C14orf93: variants seen among roughly 807,000 people sequenced by gnomAD.
The protein encoded by C14orf93 is chromosome 14 open reading frame 93, also known as uncharacterized protein C14orf93.
In C14orf93, 23 loss-of-function variants were observed where a neutral mutation model predicts 44.0. That is an observed-to-expected ratio of 0.52 (90% confidence interval 0.38 to 0.74). The LOEUF is 0.74. C14orf93 is among the 30% of genes least tolerant of loss of function. The probability of loss-of-function intolerance (pLI) is 0.00; values close to 1 mark genes in which losing one functional copy is unlikely to be tolerated. For synonymous variants in C14orf93, 253 were observed against 265.7 expected, an observed-to-expected ratio of 0.95 and a Z score of 0.46; for missense variants, 579 against 678.9, an observed-to-expected ratio of 0.85 and a Z score of 1.64.
At chr14:23,009,010 C>T (rs1422209335) in intron 1 of C14orf93, among the ~76,000 whole-genome samples, 1 of 152,170 alleles carries the variant, frequency 6.6e-6, no homozygotes, top group African/African-American at 2.4e-5. Flanking sequence ...CCCTTCTGAA[C>T]ACACCAACCA....
At position 22,988,400 on chromosome 14, in the gene C14orf93, C is replaced by T. The variant is rs180972797; in HGVS notation, c.1085-385G>A. ...TTGGCCTCCCAAAGAGCTGGGATTA[C>T]AGGCGTGAGCAGCCGTGCCTGGCCT... is the stretch of plus-strand genomic sequence containing the variant. On this transcript the variant is annotated intron_variant, in intron 5 of 6. Coordinates refer to ENST00000299088, the MANE Select transcript of C14orf93 (RefSeq NM_021944.4). Among the ~76,000 whole-genome samples the T allele has an allele frequency of 3.9e-5, 6 of 152,328 alleles. No individual in the cohort carries two copies. In the East Asian group the frequency reaches 1.2e-3, roughly 29 times the overall value.
At chr14:23,006,525 T>C (rs1318485632) in intron 1 of C14orf93, 1 of 152,202 alleles carries the variant, frequency 6.6e-6, no homozygotes, top group Non-Finnish European at 1.5e-5. Flanking sequence ...TTTATTTACA[T>C]TTGCTAAGAT....
rs1310855442 is a variant in C14orf93 at position 22,998,590 on chromosome 14, C to T, written c.434G>A (p.Cys145Tyr). 2 of 1,614,064 alleles carry T rather than the reference C, an allele frequency of 1.2e-6. No homozygotes were observed. Among genetic ancestry groups the T allele is most frequent in the Admixed American group, 3.3e-5 (2 of 60,010 alleles). Residue 145 changes from cysteine to tyrosine, a missense_variant, in exon 2 of 7, where the codon TGT (cysteine) becomes TAT (tyrosine). Coordinates refer to ENST00000299088, the MANE Select transcript of C14orf93 (RefSeq NM_021944.4). The part of the protein sequence containing the change: ...FKALSAVEEE[C>Y]DSVGSGVQVV... ...CTGCACGCCGCTGCCCACGCTGTCA[C>T]ACTCCTCTTCCACGGCAGACAGAGC... is the stretch of plus-strand genomic sequence containing the variant.
chr14:22,998,710 A>G lies in C14orf93; in HGVS notation c.314T>C (p.Val105Ala). Residue 105 changes from valine to alanine, a missense_variant, in exon 2 of 7, where the codon GTG becomes GCG. By Grantham distance (64) the Val-to-Ala change is moderately conservative. Coordinates refer to ENST00000299088, the MANE Select transcript of C14orf93 (RefSeq NM_021944.4). ...TTCCCCATCTTCATCAGGGATGGACACTTTCCCTTGCCTCAGGTCACCCAC... is the reference window on the plus strand; with the variant it reads ...TTCCCCATCTTCATCAGGGATGGACGCTTTCCCTTGCCTCAGGTCACCCAC... ...EEVGDLRQGKVSIPDEDGESR... is the reference protein window; with the variant it reads ...EEVGDLRQGKASIPDEDGESR... 1 of 1,614,186 alleles carries G rather than the reference A, an allele frequency of 6.2e-7. No homozygotes were observed. The highest frequency in any genetic ancestry group is 8.5e-7 in the Non-Finnish European group (1 of 1,180,028).
At chr14:23,009,508 C>G (rs1164974912) in intron 1 of C14orf93, among the ~76,000 whole-genome samples, 1 of 152,146 alleles carries the variant, frequency 6.6e-6, no homozygotes, top group East Asian at 1.9e-4. Flanking sequence ...CACAAATGTT[C>G]TAATGAAAAT....
intron 3 of C14orf93, among the ~76,000 whole-genome samples, chr14:22,995,323 C>G (rs988906569): frequency 1.3e-5 from 2 of 152,234 alleles, no homozygotes; most frequent in East Asian, 3.8e-4. Context: ...AGGCAATTTC[C>G]AGAGTTACCC....
intron 3 of C14orf93, among the ~76,000 whole-genome samples, chr14:22,991,722 C>T (rs1156416311): frequency 6.6e-6 from 1 of 151,734 alleles, no homozygotes; most frequent in Non-Finnish European, 1.5e-5. Context: ...AGGTGCACCA[C>T]CACCACATCC....
Position 22,987,914 on chromosome 14 carries a change from G to A in C14orf93, c.1186C>T (p.Arg396Cys), listed in dbSNP as rs752601310. ...GCCTAGAAACCTACCCGATATCGGC[G>A]ACTTCGAAGTTTCTTCTCCTCTTTT... ...KEKEEKKLRS[R>C]RYRLFANRSS... Residue 396 changes from arginine (R) to cysteine (C), a missense_variant, in exon 6 of 7, where the codon CGC becomes TGC. Physicochemically the swap from Arg to Cys is radical, Grantham distance 180. Transcript: ENST00000299088. The surrounding 1 kb of genome is among the most constrained non-coding windows in gnomAD (Gnocchi z 5.6). The A allele has an allele frequency of 7.4e-6, 12 of 1,612,834 alleles. No individual in the cohort carries two copies. The highest frequency in any genetic ancestry group is 2.2e-5 in the East Asian group (1 of 44,872).
chr14:23,001,867 A>AAAAG (rs2046318391), intron 1 of C14orf93, among the ~76,000 whole-genome samples: 1 of 116,244 alleles, frequency 8.6e-6, no homozygotes, highest in African/African-American at 3.7e-5. Context: ...AAAAAAAAAA[A>AAAAG]GGGCTGGGCG....
At chr14:22,998,256 G>T in intron 2 of C14orf93, 171 bp downstream of exon 2, 1 of 1,012,872 alleles carries the variant, frequency 9.9e-7, no homozygotes, top group Non-Finnish European at 1.4e-6. Flanking sequence ...TGATGGTTCA[G>T]GAAGAAAATA....
intron 1 of C14orf93, among the ~76,000 whole-genome samples, chr14:23,001,423 C>T (rs1483525713): frequency 6.6e-6 from 1 of 152,176 alleles, no homozygotes; most frequent in Non-Finnish European, 1.5e-5. Context: ...TTTACCCCTA[C>T]CAGTGTTGAG....
chr14:22,990,822 C>CT (rs754334097), intron 3 of C14orf93, among the ~76,000 whole-genome samples: 4,160 of 130,170 alleles, frequency 0.032, 167 homozygotes, highest in African/African-American at 0.091. Flanking sequence ...CTTTCCTTTT[C>CT]TTTTTTTTTT....
chr14:23,001,595 G>C (rs1185244374), intron 1 of C14orf93, among the ~76,000 whole-genome samples: 1 of 152,026 alleles, frequency 6.6e-6, no homozygotes, highest in African/African-American at 2.4e-5. Context: ...CTCCCAAGTA[G>C]CTGGGATCAC....
chr14:22,996,295 T>C lies in C14orf93; in HGVS notation c.598-27A>G, dbSNP rs2139592331. On this transcript the variant is annotated intron_variant, in intron 2 of 6. Coordinates refer to ENST00000299088, the MANE Select transcript of C14orf93 (RefSeq NM_021944.4). The surrounding 1 kb of genome is among the most constrained non-coding windows in gnomAD (Gnocchi z 4.1). Reference sequence around the variant, plus strand: ...TAAGAACATAAAAAATAATAGCCTATTAGCCAGCCAGGCTTAGGGGAACCT... The same window carrying C: ...TAAGAACATAAAAAATAATAGCCTACTAGCCAGCCAGGCTTAGGGGAACCT... 1 of 1,519,276 alleles carries C rather than the reference T, an allele frequency of 6.6e-7. No individual in the cohort carries two copies. Among genetic ancestry groups the C allele is most frequent in the East Asian group, 2.3e-5 (1 of 43,622 alleles). 94.1% of individuals were successfully genotyped at this position (1,519,276 alleles called of 1,614,324 possible).
intron 5 of C14orf93, among the ~76,000 whole-genome samples, chr14:22,988,229 GT>G (rs1446905874): frequency 6.6e-6 from 1 of 151,996 alleles, no homozygotes; most frequent in African/African-American, 2.4e-5. Flanking sequence ...CGCCTCCTGG[GT>G]TCAAGCGATT....
At chr14:23,000,818 G>A (rs895723496) in intron 1 of C14orf93, 2 of 151,886 alleles carry the variant, frequency 1.3e-5, no homozygotes, top group South Asian at 2.1e-4. Context: ...TCAGAAAGAG[G>A]CAATATCAAT....
At chr14:22,997,485 C>T (rs910786820) in intron 2 of C14orf93, among the ~76,000 whole-genome samples, 3 of 152,028 alleles carry the variant, frequency 2.0e-5, no homozygotes, top group Admixed American at 1.3e-4. Context: ...GAACTCCAAC[C>T]GTCTCTCAAG....
intron 2 of C14orf93, among the ~76,000 whole-genome samples, chr14:22,997,835 C>T (rs1490713150): frequency 6.6e-6 from 1 of 152,034 alleles, no homozygotes; most frequent in Non-Finnish European, 1.5e-5. Flanking sequence ...AGTCTCTCTC[C>T]CGTGGTGTAG....
At chr14:23,004,872 C>T (rs2046549084) in intron 1 of C14orf93, among the ~76,000 whole-genome samples, 1 of 152,110 alleles carries the variant, frequency 6.6e-6, no homozygotes, top group South Asian at 2.1e-4. Flanking sequence ...GAGCCAAGAT[C>T]GCACCACTGC....
Sources: gnomAD v4.1 joint callset for allele counts (sites outside exome capture counted in the v4.1 genomes callset) on GRCh38, gnomAD v4.1.1 for gene constraint, Gnocchi (gnomAD v3.1) non-coding constraint, MANE v1.5 for transcripts, NCBI Gene and HGNC (gene_info 2026-07-23, HGNC 2026-07-21) for gene names.